The following ZNF618 variants were observed in gnomAD, a reference collection of about 807,000 sequenced individuals.
ZNF618 encodes neural precursor cell expressed, developmentally down-regulated 10.
Under a neutral mutation model 103.0 loss-of-function variants are expected in ZNF618, and 34 were observed. That is an observed-to-expected ratio of 0.33 (90% CI 0.25 to 0.44). The LOEUF (loss-of-function observed/expected upper bound fraction) is 0.44, where lower values mean the gene tolerates loss of function less well. Ranked by LOEUF, ZNF618 falls within the 20% of genes least tolerant of loss-of-function variation. The pLI is 1.00. For missense variants in ZNF618, 1,059 were observed against 1,295.4 expected (o/e 0.82, Z 2.80); for synonymous variants, 551 against 542.2 (o/e 1.02, Z -0.23).
chr9:113,876,475 C>T, intron 1 of ZNF618, 62 bp downstream of exon 1: 2 of 1,138,730 alleles, frequency 1.8e-6, no homozygotes, highest in Non-Finnish European at 2.2e-6. Context: ...GGGCCCGGGG[C>T]GCTGCGCCAC....
At chr9:113,921,855 T>A (rs189460620) in intron 1 of ZNF618, among the ~76,000 whole-genome samples, 97 of 152,348 alleles carry the variant, frequency 6.4e-4, no homozygotes, top group African/African-American at 2.2e-3. Context: ...GATGCTTCCT[T>A]TGTATAAACC....
chr9:113,909,691 C>G (rs1360559070), intron 1 of ZNF618, among the ~76,000 whole-genome samples: 1 of 152,204 alleles, frequency 6.6e-6, no homozygotes, highest in African/African-American at 2.4e-5. Flanking sequence ...TCATTCCTTT[C>G]TCCCGAGTCC....
chr9:113,884,731 G>A (rs1828888242), intron 1 of ZNF618, among the ~76,000 whole-genome samples: 1 of 151,718 alleles, frequency 6.6e-6, no homozygotes. Flanking sequence ...CACCCCATGG[G>A]ACATGAAGCC....
chr9:113,924,757 T>C (rs1229381465), intron 1 of ZNF618, among the ~76,000 whole-genome samples: 2 of 152,012 alleles, frequency 1.3e-5, no homozygotes, highest in African/African-American at 4.8e-5. Flanking sequence ...GTTTTTAATT[T>C]CTCTTGAGAT....
chr9:113,901,822 C>T (rs1830580102), intron 1 of ZNF618, among the ~76,000 whole-genome samples: 1 of 152,166 alleles, frequency 6.6e-6, no homozygotes. Flanking sequence ...TTATTCCAAA[C>T]TCCTGTTCTC....
chr9:113,926,189 A>T (rs1833077928), intron 1 of ZNF618, among the ~76,000 whole-genome samples: 2 of 143,476 alleles, frequency 1.4e-5, no homozygotes, highest in Admixed American at 7.1e-5. Context: ...TCAGTATTTC[A>T]CCTATCTTCT....
intron 1 of ZNF618, among the ~76,000 whole-genome samples, chr9:113,959,795 G>A (rs1259444331): frequency 6.6e-6 from 1 of 152,132 alleles, no homozygotes; most frequent in Non-Finnish European, 1.5e-5. Flanking sequence ...TTTTAGTAGA[G>A]ACAGCGTTTC....
intron 1 of ZNF618, among the ~76,000 whole-genome samples, chr9:113,902,897 C>T (rs1355039331): frequency 6.6e-6 from 1 of 152,168 alleles, no homozygotes; most frequent in Non-Finnish European, 1.5e-5. Context: ...TTCTCATTTG[C>T]CTTAACTGTC....
chr9:114,023,834 T>C (rs1370716320), intron 10 of ZNF618, among the ~76,000 whole-genome samples: 3 of 152,164 alleles, frequency 2.0e-5, no homozygotes, highest in Non-Finnish European at 4.4e-5. Flanking sequence ...CTGATTGTTA[T>C]TCATCTATAT....
chr9:114,012,505 A>G (rs1171741856), intron 9 of ZNF618, among the ~76,000 whole-genome samples: 1 of 152,190 alleles, frequency 6.6e-6, no homozygotes, highest in African/African-American at 2.4e-5. Context: ...TAGAGTTTCA[A>G]CATATGAATT....
intron 1 of ZNF618, among the ~76,000 whole-genome samples, chr9:113,909,518 A>C (rs1831311243): frequency 6.6e-6 from 1 of 151,984 alleles, no homozygotes; most frequent in Non-Finnish European, 1.5e-5. Flanking sequence ...CTGTCCAGAA[A>C]CCTTGGGGTG....
rs763971358 is a variant in ZNF618, at chr9:114,008,463, GTGTTC to G, written c.677-12_677-8del. The stretch of plus-strand genomic sequence containing the variant: ...GGGGGACCAGGGTGCTAAGGGCCGT[GTGTTC>G]TCCCACAGACCCCTTCGACCAAGGT... On this transcript the variant is annotated splice_polypyrimidine_tract_variant and intron_variant, in intron 8 of 14. Coordinates refer to ENST00000374126, the MANE Select transcript of ZNF618 (RefSeq NM_001318042.2). The G allele has an allele frequency of 6.2e-7, 1 of 1,613,980 alleles. No homozygotes were observed. Among genetic ancestry groups the G allele is most frequent in the South Asian group, 1.1e-5 (1 of 91,078 alleles).
Position 113,984,664 on chromosome 9 carries a change from G to A in ZNF618, c.78-3657G>A, listed in dbSNP as rs1839291187. Among the ~76,000 whole-genome samples the A allele has an allele frequency of 2.0e-5, 3 of 152,208 alleles. No homozygotes were observed. In the South Asian group the frequency reaches 6.2e-4, roughly 32 times the overall value. On this transcript the variant is annotated intron_variant, in intron 2 of 14. Transcript: ENST00000374126. Reference sequence around the variant, plus strand: ...TGAGTTTCAGAACACTGGCTGTGAAGAAAGCCGAGGTAAGGGAGTTCTGGG... The same window carrying A: ...TGAGTTTCAGAACACTGGCTGTGAAAAAAGCCGAGGTAAGGGAGTTCTGGG...
intron 9 of ZNF618, chr9:114,016,044 A>C (rs999485277): frequency 5.6e-6 from 8 of 1,438,108 alleles, no homozygotes; most frequent in Non-Finnish European, 7.8e-6. Context: ...GGGGTTACAG[A>C]TGATTGAAAT....
chr9:114,005,781 G>A (rs952355336), intron 6 of ZNF618, among the ~76,000 whole-genome samples: 2 of 152,214 alleles, frequency 1.3e-5, no homozygotes, highest in African/African-American at 4.8e-5. Flanking sequence ...CTACATGAAA[G>A]GATTAAAGCC....
At chr9:113,947,731 C>T (rs543935471) in intron 1 of ZNF618, among the ~76,000 whole-genome samples, 1 of 152,296 alleles carries the variant, frequency 6.6e-6, no homozygotes, top group African/African-American at 2.4e-5. Context: ...CGAGCTGGTT[C>T]GAGGTCTCCC....
At chr9:114,032,181 C>G (rs1844122460) in intron 11 of ZNF618, among the ~76,000 whole-genome samples, 1 of 152,250 alleles carries the variant, frequency 6.6e-6, no homozygotes, top group Admixed American at 6.5e-5. Flanking sequence ...TCCCTGTCAC[C>G]AGGGACCACC....
At chr9:113,895,797 T>C (rs911947144) in intron 1 of ZNF618, among the ~76,000 whole-genome samples, 4 of 152,178 alleles carry the variant, frequency 2.6e-5, no homozygotes, top group Non-Finnish European at 5.9e-5. Context: ...GAATTATCTT[T>C]TCAGAGTTTA....
chr9:113,978,862 A>G (rs1474215609), intron 2 of ZNF618, among the ~76,000 whole-genome samples: 1 of 152,160 alleles, frequency 6.6e-6, no homozygotes, highest in Admixed American at 6.5e-5. Context: ...GAGATGGTGT[A>G]GGTGTGGGCC....
Sources: allele counts gnomAD v4.1 joint callset (sites outside exome capture counted in the v4.1 genomes callset), GRCh38; gene constraint gnomAD v4.1.1; transcripts MANE v1.5; gene names NCBI Gene and HGNC (gene_info 2026-07-23, HGNC 2026-07-21).